Variants in SLC2A12 observed in about 807,000 individuals in gnomAD.
SLC2A12 encodes the protein solute carrier family 2 member 12.
In SLC2A12, 23 loss-of-function variants were observed where a neutral mutation model predicts 41.8. The observed-to-expected ratio is 0.55, with a 90% CI of 0.40 to 0.78. The LOEUF (loss-of-function observed/expected upper bound fraction) is 0.78, where lower values mean the gene tolerates loss of function less well. Among genes scored for constraint, SLC2A12 ranks in the 30% least tolerant of loss-of-function variants. SLC2A12 has a pLI of 0.00. For synonymous variants in SLC2A12, 295 were observed against 285.9 expected (o/e 1.03, Z -0.32); for missense variants, 654 against 745.6 (o/e 0.88, Z 1.43).
In SLC2A12 at chr6:133,990,371, C is replaced by T. The variant is rs1776604236; in HGVS notation, c.*784G>A. 1 of 152,586 alleles carries T rather than the reference C, an allele frequency of 6.6e-6. No individual in the cohort carries two copies. The highest frequency in any genetic ancestry group is 1.5e-5 in the Non-Finnish European group (1 of 68,038). The allele number at this position is 152,586 out of a possible 1,614,324, so 9.5% of individuals were successfully genotyped here. On this transcript the variant is annotated 3_prime_UTR_variant, in exon 5 of 5. Coordinates refer to ENST00000275230, the MANE Select transcript of SLC2A12 (RefSeq NM_145176.3). The stretch of plus-strand genomic sequence containing the variant: ...TTGGATAAATAACCTAATGGCCTGA[C>T]TCCTTTTCTAATGTTTTACTAACAG...
chr6:134,032,290 A>G (rs1031275469), intron 1 of SLC2A12, among the ~76,000 whole-genome samples: 1 of 151,548 alleles, frequency 6.6e-6, no homozygotes, highest in Non-Finnish European at 1.5e-5. Context: ...CAAATTTATG[A>G]GCATTTTGAA....
At chr6:134,044,713 TAAAA>T (rs35658583) in intron 1 of SLC2A12, among the ~76,000 whole-genome samples, 3 of 100,524 alleles carry the variant, frequency 3.0e-5, no homozygotes, top group Non-Finnish European at 5.8e-5. Context: ...AAACTCCGTC[TAAAA>T]AAAAAAAAAA....
chr6:134,015,583 G>T (rs963505994), intron 2 of SLC2A12, among the ~76,000 whole-genome samples: 5 of 152,202 alleles, frequency 3.3e-5, no homozygotes, highest in African/African-American at 1.2e-4. Flanking sequence ...AAGAATGGTG[G>T]AAGAGGAAGA....
intron 1 of SLC2A12, among the ~76,000 whole-genome samples, chr6:134,034,675 G>A (rs1777268160): frequency 6.6e-6 from 1 of 152,212 alleles, no homozygotes; most frequent in Non-Finnish European, 1.5e-5. Context: ...CAGAATGTGG[G>A]TTAAAGCACT....
chr6:134,050,919 C>CTTTTAT (rs1436936797), intron 1 of SLC2A12, among the ~76,000 whole-genome samples: 25 of 151,634 alleles, frequency 1.6e-4, no homozygotes, highest in South Asian at 6.3e-4. Flanking sequence ...CCCAGATATT[C>CTTTTAT]TTTTATTATT....
intron 1 of SLC2A12, among the ~76,000 whole-genome samples, chr6:134,033,170 C>T (rs12198373): frequency 0.38 from 57,941 of 151,686 alleles, 12,572 homozygotes; most frequent in South Asian, 0.53. Context: ...CAAGTAGGGC[C>T]TTGTCGGTCA....
chr6:133,994,857 A>G (rs1022066883), intron 4 of SLC2A12, among the ~76,000 whole-genome samples: 1 of 152,204 alleles, frequency 6.6e-6, no homozygotes, highest in Non-Finnish European at 1.5e-5. Context: ...ACCATAGGTA[A>G]GAGATAACCA....
intron 2 of SLC2A12, among the ~76,000 whole-genome samples, chr6:134,012,601 T>C (rs1213413595): frequency 6.6e-6 from 1 of 152,240 alleles, no homozygotes; most frequent in East Asian, 1.9e-4. Flanking sequence ...AGAATAGTTA[T>C]ATTACTCTTT....
chr6:133,996,739 C>T (rs1318975445), intron 4 of SLC2A12, among the ~76,000 whole-genome samples: 7 of 152,200 alleles, frequency 4.6e-5, no homozygotes, highest in Admixed American at 2.6e-4. Flanking sequence ...TCTTCAAGTT[C>T]ACCTCAGCTT....
intron 1 of SLC2A12, among the ~76,000 whole-genome samples, chr6:134,035,921 A>G (rs2114493181): frequency 6.6e-6 from 1 of 152,372 alleles, no homozygotes; most frequent in East Asian, 1.9e-4. Context: ...ACGAGACTGT[A>G]GCACCAGCCA....
intron 4 of SLC2A12, among the ~76,000 whole-genome samples, chr6:133,997,865 A>C (rs1259174858): frequency 6.6e-6 from 1 of 152,210 alleles, no homozygotes; most frequent in Non-Finnish European, 1.5e-5. Context: ...GGGCTTCCTC[A>C]TGGTTTATAG....
chr6:134,046,804 C>T (rs1321643578), intron 1 of SLC2A12, among the ~76,000 whole-genome samples: 1 of 152,008 alleles, frequency 6.6e-6, no homozygotes, highest in African/African-American at 2.4e-5. Flanking sequence ...CTCTGTCTTA[C>T]ATTTTTAAAA....
intron 2 of SLC2A12, among the ~76,000 whole-genome samples, chr6:134,022,137 G>T (rs1017337305): frequency 6.6e-6 from 1 of 151,858 alleles, no homozygotes; most frequent in African/African-American, 2.4e-5. Context: ...CAGAGGTTTT[G>T]CCTCAAACAT....
intron 3 of SLC2A12, among the ~76,000 whole-genome samples, chr6:134,003,486 C>T (rs781694650): frequency 5.3e-5 from 8 of 152,176 alleles, no homozygotes; most frequent in South Asian, 4.1e-4. Context: ...GAAATAGTTG[C>T]GTCTGCTAAA....
rs1776565602 is a variant in SLC2A12 at position 133,988,192 on chromosome 6, A to G, written c.*2963T>C. On this transcript the variant is annotated 3_prime_UTR_variant, in exon 5 of 5. Coordinates refer to ENST00000275230, the MANE Select transcript of SLC2A12 (RefSeq NM_145176.3). ...CCTTCCCCTTGCTGTATCTTATTTA[A>G]TGGAGTTAAAGAGTGACTATTCAGT... 6.6e-6 allele frequency: 1 copy of G among 152,178 alleles called. No homozygotes were observed. Among genetic ancestry groups the G allele is most frequent in the Non-Finnish European group, 1.5e-5 (1 of 68,010 alleles). The allele number at this position is 152,178 out of a possible 1,614,324, so 9.4% of individuals were successfully genotyped here. A position where few individuals can be genotyped will look rare whatever the true frequency, so the allele number is the denominator to read the frequency against.
chr6:134,011,384 G>T (rs1015570139), intron 2 of SLC2A12, among the ~76,000 whole-genome samples: 1 of 152,052 alleles, frequency 6.6e-6, no homozygotes, highest in Non-Finnish European at 1.5e-5. Context: ...CACTTTGGGA[G>T]GTCGAGGCAG....
chr6:134,031,852 G>A (rs1777212983), intron 1 of SLC2A12, among the ~76,000 whole-genome samples: 1 of 152,172 alleles, frequency 6.6e-6, no homozygotes, highest in South Asian at 2.1e-4. Flanking sequence ...GGTATTTAAA[G>A]CCACAGGAAT....
At chr6:134,003,153 G>C (rs868203522) in intron 3 of SLC2A12, among the ~76,000 whole-genome samples, 5 of 152,222 alleles carry the variant, frequency 3.3e-5, no homozygotes, top group Admixed American at 1.3e-4. Flanking sequence ...CAGCATGAAA[G>C]AATCGAAGCA....
chr6:134,051,426 T>C (rs371897617), intron 1 of SLC2A12, among the ~76,000 whole-genome samples: 3 of 152,066 alleles, frequency 2.0e-5, no homozygotes, highest in African/African-American at 7.2e-5. Context: ...TTTGTATCAT[T>C]TAGTGTATTG....
Sources: gnomAD v4.1 joint callset for allele counts (sites outside exome capture counted in the v4.1 genomes callset) on GRCh38, gnomAD v4.1.1 for gene constraint, MANE v1.5 for transcripts, NCBI Gene and HGNC (gene_info 2026-07-23, HGNC 2026-07-21) for gene names.